USH2A: variants seen among roughly 807,000 people sequenced by gnomAD.
USH2A encodes the protein Usher syndrome 2A (autosomal recessive, mild).
In USH2A, 443 loss-of-function variants were observed where a neutral mutation model predicts 538.9. That is an observed-to-expected ratio of 0.82 (90% CI 0.76 to 0.89). The LOEUF (loss-of-function observed/expected upper bound fraction) is 0.89, where lower values mean the gene tolerates loss of function less well. Ranked by LOEUF, USH2A falls within the 40% of genes least tolerant of loss-of-function variation. The pLI, the probability that USH2A is intolerant of heterozygous loss-of-function variation, is 0.00. For synonymous variants in USH2A, 2,413 were observed against 2,273.5 expected, an observed-to-expected ratio of 1.06 and a Z score of -1.75; for missense variants, 6,633 against 6,324.8, an observed-to-expected ratio of 1.05 and a Z score of -1.65.
chr1:215,918,312 A>G (rs1666012413), intron 38 of USH2A, among the ~76,000 whole-genome samples: 1 of 152,186 alleles, frequency 6.6e-6, no homozygotes, highest in East Asian at 1.9e-4. Flanking sequence ...TCTCACCGCC[A>G]AGGAGATAAT....
At chr1:216,045,194 C>G (rs560648160) in intron 32 of USH2A, among the ~76,000 whole-genome samples, 7 of 152,170 alleles carry the variant, frequency 4.6e-5, no homozygotes, top group African/African-American at 1.7e-4. Context: ...ATCTCTAGGC[C>G]TTGGTTTTTT....
intron 59 of USH2A, 28 bp downstream of exon 59, chr1:215,743,149 C>A (rs769401045): frequency 6.2e-7 from 1 of 1,603,940 alleles, no homozygotes; most frequent in Admixed American, 1.7e-5. Flanking sequence ...TCATAAAAGC[C>A]CAGGCCAAGT....
chr1:216,106,737 A>T (rs1161247213), intron 21 of USH2A, among the ~76,000 whole-genome samples: 2 of 151,796 alleles, frequency 1.3e-5, no homozygotes, highest in African/African-American at 2.4e-5. Context: ...CTGTTTTAAG[A>T]AGAAGCTTAG....
intron 26 of USH2A, among the ~76,000 whole-genome samples, chr1:216,081,688 C>T (rs1204632103): frequency 1.3e-5 from 2 of 151,980 alleles, no homozygotes; most frequent in African/African-American, 4.8e-5. Context: ...GACTCCCAGT[C>T]TTCAGCAATC....
chr1:216,003,899 T>C (rs1360391963), intron 32 of USH2A, among the ~76,000 whole-genome samples: 1 of 152,136 alleles, frequency 6.6e-6, no homozygotes, highest in Non-Finnish European at 1.5e-5. Flanking sequence ...GAAGAGGCTA[T>C]TTGTAATATC....
At chr1:216,141,384 A>C (rs958381305) in intron 21 of USH2A, among the ~76,000 whole-genome samples, 1 of 152,200 alleles carries the variant, frequency 6.6e-6, no homozygotes, top group Non-Finnish European at 1.5e-5. Flanking sequence ...CGAGCATCAC[A>C]GGAGTCTACA....
At position 216,365,094 on chromosome 1, in the gene USH2A, A is replaced by C. The variant is rs1231791432; in HGVS notation, c.652-9T>G. The C allele has an allele frequency of 1.4e-5, 22 of 1,610,328 alleles. No individual in the cohort carries two copies. Among genetic ancestry groups the C allele is most frequent in the Non-Finnish European group, 1.9e-5 (22 of 1,178,334 alleles). On this transcript the variant is annotated splice_polypyrimidine_tract_variant and intron_variant, in intron 3 of 71. Transcript: ENST00000307340. Reference sequence around the variant, plus strand: ...ATTTTTGTCTGATGCACCTGTAAGAAATTACCACCATTATTAGTTTAAGTG... The same window carrying C: ...ATTTTTGTCTGATGCACCTGTAAGACATTACCACCATTATTAGTTTAAGTG...
At chr1:215,979,144 C>A (rs548877261) in intron 35 of USH2A, among the ~76,000 whole-genome samples, 1 of 152,102 alleles carries the variant, frequency 6.6e-6, no homozygotes, top group Non-Finnish European at 1.5e-5. Context: ...GGTAAGACAG[C>A]TTTTGCAGGG....
intron 37 of USH2A, among the ~76,000 whole-genome samples, chr1:215,938,263 T>G (rs1383047887): frequency 6.6e-6 from 1 of 152,118 alleles, no homozygotes; most frequent in Admixed American, 6.6e-5. Flanking sequence ...CTAGAGTAAC[T>G]GACAGGATTT....
intron 13 of USH2A, among the ~76,000 whole-genome samples, chr1:216,242,370 G>GAA (rs546449986): frequency 4.2e-5 from 6 of 143,312 alleles, no homozygotes; most frequent in African/African-American, 1.5e-4. Flanking sequence ...GAAAAAAAAA[G>GAA]AAAAAAAAAA....
chr1:215,750,193 A>G (rs911128503), intron 58 of USH2A, among the ~76,000 whole-genome samples: 7 of 152,192 alleles, frequency 4.6e-5, no homozygotes, highest in Non-Finnish European at 7.3e-5. Context: ...TAAATTCTCC[A>G]CTGTATAGGT....
intron 32 of USH2A, among the ~76,000 whole-genome samples, chr1:216,025,497 T>C (rs1217632339): frequency 1.3e-5 from 2 of 152,084 alleles, no homozygotes. Context: ...ACATATCTTT[T>C]AAAGTCACAT....
chr1:216,390,770 G>A (rs1460713412), intron 3 of USH2A, among the ~76,000 whole-genome samples: 1 of 152,092 alleles, frequency 6.6e-6, no homozygotes, highest in Non-Finnish European at 1.5e-5. Context: ...GTTTACTATA[G>A]ATGTAAGCAT....
At chr1:215,707,320 G>A (rs1416964749) in intron 61 of USH2A, among the ~76,000 whole-genome samples, 1 of 152,144 alleles carries the variant, frequency 6.6e-6, no homozygotes, top group Non-Finnish European at 1.5e-5. Context: ...AATCAAAACA[G>A]CAGTCAACTT....
In USH2A at chr1:215,785,692, T is replaced by C. The variant is rs1661778729; in HGVS notation, c.10387+978A>G. ...AAAGTACCTAGTATAACATTGAGAC[T>C]AAATAATGTTCAATCAACCTTATCT... On this transcript the variant is annotated intron_variant, in intron 52 of 71. Transcript: ENST00000307340. 2.0e-5 allele frequency among the ~76,000 whole-genome samples: 3 copies of C among 152,156 alleles called. No individual in the cohort carries two copies. The South Asian group carries it at 6.2e-4, about 31-fold the overall frequency.
At chr1:216,025,699 AC>A (rs1668948334) in intron 32 of USH2A, among the ~76,000 whole-genome samples, 1 of 152,094 alleles carries the variant, frequency 6.6e-6, no homozygotes, top group Admixed American at 6.6e-5. Context: ...CTTTATAGAA[AC>A]CATTTATTTG....
intron 3 of USH2A, among the ~76,000 whole-genome samples, chr1:216,403,737 T>C (rs1175533245): frequency 6.6e-6 from 1 of 152,146 alleles, no homozygotes; most frequent in African/African-American, 2.4e-5. Context: ...ATGTATGATA[T>C]AGTTTGGCTG....
chr1:216,196,738 A>G lies in USH2A; in HGVS notation c.4082-16T>C, dbSNP rs2034855322. 1 of 1,610,686 alleles carries G rather than the reference A, an allele frequency of 6.2e-7. No individual in the cohort carries two copies. The highest frequency in any genetic ancestry group is 8.5e-7 in the Non-Finnish European group (1 of 1,178,172). ...AATACAGGTGCTATCAATGAGAACA[A>G]TAACAATAACATCAAAACAATGAAT... On this transcript the variant is annotated splice_polypyrimidine_tract_variant and intron_variant, in intron 18 of 71. Transcript: ENST00000307340.
intron 56 of USH2A, among the ~76,000 whole-genome samples, chr1:215,762,036 T>C (rs1452812936): frequency 1.3e-5 from 2 of 152,142 alleles, no homozygotes; most frequent in Admixed American, 1.3e-4. Flanking sequence ...ACAAGATAGA[T>C]TTCAAAAATG....
Sources: gnomAD v4.1 joint callset for allele counts (sites outside exome capture counted in the v4.1 genomes callset) on GRCh38, gnomAD v4.1.1 for gene constraint, MANE v1.5 for transcripts, NCBI Gene and HGNC (gene_info 2026-07-23, HGNC 2026-07-21) for gene names.